Variants in LAMTOR4 observed in about 807,000 individuals in gnomAD.
The protein encoded by LAMTOR4 is ragulator complex protein LAMTOR4.
A neutral mutation model predicts 13.5 loss-of-function variants in LAMTOR4; 11 were observed. The ratio of observed to expected loss-of-function variants is 0.82; its 90% confidence interval spans 0.51 to 1.35. LAMTOR4 has a LOEUF of 1.35. LAMTOR4 is among the 40% of genes most tolerant of loss of function. LAMTOR4 has a pLI of 0.00. For synonymous variants in LAMTOR4, 69 were observed against 52.3 expected (o/e 1.32, Z -1.38); for missense variants, 128 against 126.2 (o/e 1.01, Z -0.07).
At chr7:100,150,638 T>C (rs1331719733) in intron 2 of LAMTOR4, among the ~76,000 whole-genome samples, 3 of 152,110 alleles carry the variant, frequency 2.0e-5, no homozygotes, top group South Asian at 2.1e-4. Flanking sequence ...AGTGAGGTGG[T>C]TGAGCAATAT....
chr7:100,153,993 C>T lies in LAMTOR4; in HGVS notation c.*29C>T, dbSNP rs746865428. 19 of 1,524,666 alleles carry T rather than the reference C, an allele frequency of 1.2e-5. No individual in the cohort carries two copies. The highest frequency in any genetic ancestry group is 2.0e-5 in the Admixed American group (1 of 51,206). The allele number at this position is 1,524,666 out of a possible 1,614,324, so 94.4% of individuals were successfully genotyped here. ...TGCCGGAGGGCGAGGGTCGGAGAAGCGGATTGGGTCCTGGGCCTCTGTGAT... is the reference window on the plus strand; with the variant it reads ...TGCCGGAGGGCGAGGGTCGGAGAAGTGGATTGGGTCCTGGGCCTCTGTGAT... On this transcript the variant is annotated 3_prime_UTR_variant, in exon 4 of 4. Coordinates refer to ENST00000341942, the MANE Select transcript of LAMTOR4 (RefSeq NM_001008395.4).
chr7:100,153,248 G>A, intron 2 of LAMTOR4, 152 bp from the exon 3 acceptor site: 1 of 663,324 alleles, frequency 1.5e-6, no homozygotes, highest in African/African-American at 1.8e-5. Flanking sequence ...ATTATAGGGG[G>A]AGATTTCAGG....
intron 2 of LAMTOR4, among the ~76,000 whole-genome samples, chr7:100,150,933 T>A (rs973289119): frequency 7.4e-6 from 1 of 134,680 alleles, no homozygotes; most frequent in African/African-American, 2.8e-5. Flanking sequence ...AGGTTGCAGT[T>A]AGCCGAGATC....
intron 2 of LAMTOR4, among the ~76,000 whole-genome samples, chr7:100,150,757 G>T (rs112328330): frequency 1.3e-5 from 2 of 151,962 alleles, no homozygotes; most frequent in South Asian, 4.2e-4. Context: ...AGGCCAAGGC[G>T]GGCGGATCAC....
rs533262442 is a variant in LAMTOR4 at position 100,153,806 on chromosome 7, C to A, written c.203-61C>A. On this transcript the variant is annotated intron_variant, in intron 3 of 3. Transcript: ENST00000341942. ...GCCCCGCCCCATGGAGTCTGTTGCA[C>A]CCACTAACTCTGTGCTCCCTTCCCT... 70 of 1,212,702 alleles carry A rather than the reference C, an allele frequency of 5.8e-5. No individual in the cohort carries two copies. In the East Asian group the frequency reaches 1.7e-3, roughly 30 times the overall value. The allele number at this position is 1,212,702 out of a possible 1,614,324, so 75.1% of individuals were successfully genotyped here.
intron 1 of LAMTOR4, 49 bp downstream of exon 1, chr7:100,149,024 C>T: frequency 6.3e-7 from 1 of 1,596,544 alleles, no homozygotes; most frequent in Non-Finnish European, 8.5e-7. Flanking sequence ...TTCAGCGTCT[C>T]TGCTCCCCAG....
chr7:100,149,256 G>C, intron 1 of LAMTOR4: 2 of 607,116 alleles, frequency 3.3e-6, no homozygotes, highest in Non-Finnish European at 5.8e-6. Context: ...AAGGCCCCTT[G>C]GGGTAGCAAA....
intron 1 of LAMTOR4, 81 bp from the exon 2 acceptor site, chr7:100,149,418 A>C (rs936756424): frequency 1.1e-6 from 1 of 946,910 alleles, no homozygotes; most frequent in Non-Finnish European, 1.7e-6. Context: ...GTCAACCCAG[A>C]GACTTGGGTT....
rs747939126 is a variant in LAMTOR4 at position 100,153,945 on chromosome 7, G to T, written c.281G>T (p.Arg94Leu). The change falls in exon 4 of 4, where the codon CGG (arginine) becomes CTG (leucine). Residue 94 changes from arginine to leucine, a missense_variant. Arg to Leu is a moderately radical substitution (Grantham distance 102). Coordinates refer to ENST00000341942, the MANE Select transcript of LAMTOR4 (RefSeq NM_001008395.4). The stretch of plus-strand genomic sequence containing the variant: ...GTGGTGAAGAGGCAGAACCGAGGTC[G>T]GGAGCCCATTGATGTCTGAGCCTGC... ...VFVVKRQNRG[R>L]EPIDV 1 of 1,589,764 alleles carries T rather than the reference G, an allele frequency of 6.3e-7. No individual in the cohort carries two copies. The highest frequency in any genetic ancestry group is 2.3e-5 in the East Asian group (1 of 44,128).
chr7:100,149,491 C>T lies in LAMTOR4; in HGVS notation c.4-8C>T, dbSNP rs1327772386. On this transcript the variant is annotated splice_region_variant and splice_polypyrimidine_tract_variant and intron_variant, in intron 1 of 3. Coordinates refer to ENST00000341942, the MANE Select transcript of LAMTOR4 (RefSeq NM_001008395.4). ...ATGCTTCTCACGACTTGCATCTTTA[C>T]CCACTAGACTTCTGCGCTGACCCAG... The T allele has an allele frequency of 6.2e-7, 1 of 1,602,944 alleles. No homozygotes were observed. Among genetic ancestry groups the T allele is most frequent in the Middle Eastern group, 1.7e-4 (1 of 6,032 alleles).
Position 100,148,934 on chromosome 7 carries a change from C to T in LAMTOR4, c.-39C>T, listed in dbSNP as rs750108024. ...GACCGGGGCCTGAAGCCGGAAGCTA[C>T]CTATCTGGTAGGGAGCTCCCCCAGC... On this transcript the variant is annotated 5_prime_UTR_variant, in exon 1 of 4. Coordinates refer to ENST00000341942, the MANE Select transcript of LAMTOR4 (RefSeq NM_001008395.4). 3 of 1,612,028 alleles carry T rather than the reference C, an allele frequency of 1.9e-6. No homozygotes were observed. Among genetic ancestry groups the T allele is most frequent in the African/African-American group, 1.3e-5 (1 of 75,050 alleles).
In LAMTOR4 at chr7:100,154,144, C is replaced by A; in HGVS notation, c.*180C>A. On this transcript the variant is annotated 3_prime_UTR_variant, in exon 4 of 4. Transcript: ENST00000341942. ...TGAGCTGTGTTAAGGAGAACAAGGGCAAGGAGACCTCCCTTTGTGCTCCCT... is the reference window on the plus strand; with the variant it reads ...TGAGCTGTGTTAAGGAGAACAAGGGAAAGGAGACCTCCCTTTGTGCTCCCT... 1 of 588,542 alleles carries A rather than the reference C, an allele frequency of 1.7e-6. No individual in the cohort carries two copies. Among genetic ancestry groups the A allele is most frequent in the African/African-American group, 1.9e-5 (1 of 53,850 alleles). The allele number at this position is 588,542 out of a possible 1,614,324, so 36.5% of individuals were successfully genotyped here. A position where few individuals can be genotyped will look rare whatever the true frequency, so the allele number is the denominator to read the frequency against.
At chr7:100,149,289 G>A (rs1421699210) in intron 1 of LAMTOR4, 2 of 616,118 alleles carry the variant, frequency 3.2e-6, no homozygotes, top group Admixed American at 2.9e-5. Flanking sequence ...AAGGCCAGGG[G>A]AGCCCGGGGG....
At chr7:100,149,622 C>T (rs376273751) in intron 2 of LAMTOR4, 43 bp downstream of exon 2, 588 of 1,427,664 alleles carry the variant, frequency 4.1e-4, no homozygotes, top group Non-Finnish European at 5.3e-4. Context: ...TGCACACAGC[C>T]CGGTAACCCC....
At chr7:100,149,046 T>C (rs1384693137) in intron 1 of LAMTOR4, 71 bp downstream of exon 1, 112 of 1,565,550 alleles carry the variant, frequency 7.2e-5, no homozygotes, top group Non-Finnish European at 9.0e-5. Flanking sequence ...CTGTGTGGTT[T>C]CCCCCTGGTG....
rs371014280 is a variant in LAMTOR4, at chr7:100,152,135, C to T, written c.85-1265C>T. On this transcript the variant is annotated intron_variant, in intron 2 of 3. Coordinates refer to ENST00000341942, the MANE Select transcript of LAMTOR4 (RefSeq NM_001008395.4). ...TGATGCCTTAAGAAACATGTCCCTG[C>T]GTGGTGGCTCACGCCTTTAATCCCA... 3.9e-5 allele frequency among the ~76,000 whole-genome samples: 6 copies of T among 152,158 alleles called. No homozygotes were observed. In the East Asian group the frequency reaches 9.6e-4, roughly 24 times the overall value.
chr7:100,151,338 A>G (rs1049372406), intron 2 of LAMTOR4, among the ~76,000 whole-genome samples: 2 of 151,002 alleles, frequency 1.3e-5, no homozygotes, highest in African/African-American at 4.9e-5. Flanking sequence ...CTCCCACCCA[A>G]AGTGCTGGGA....
At chr7:100,152,598 G>A (rs925494690) in intron 2 of LAMTOR4, 1 of 152,166 alleles carries the variant, frequency 6.6e-6, no homozygotes, top group Non-Finnish European at 1.5e-5. Context: ...AGAGGAAGTT[G>A]AGACAGTCAC....
intron 1 of LAMTOR4, 138 bp downstream of exon 1, chr7:100,149,113 G>A: frequency 8.8e-7 from 1 of 1,138,652 alleles, no homozygotes; most frequent in Non-Finnish European, 1.2e-6. Context: ...GGATGGAAAT[G>A]GGAGGGATGG....
Sources: allele counts gnomAD v4.1 joint callset (sites outside exome capture counted in the v4.1 genomes callset), GRCh38; gene constraint gnomAD v4.1.1; transcripts MANE v1.5; gene names NCBI Gene and HGNC (gene_info 2026-07-23, HGNC 2026-07-21).